The following PPFIA1 variants were observed in gnomAD, a reference collection of about 807,000 sequenced individuals.
PPFIA1 encodes PPFI scaffold protein A1, also known as liprin-alpha-1.
A neutral mutation model predicts 149.9 loss-of-function variants in PPFIA1; 25 were observed. The observed-to-expected ratio is 0.17, with a 90% CI of 0.12 to 0.23. The LOEUF (loss-of-function observed/expected upper bound fraction) is 0.23, where lower values mean the gene tolerates loss of function less well. PPFIA1 is among the 10% of genes least tolerant of loss of function. The probability of loss-of-function intolerance (pLI) is 1.00; values close to 1 mark genes in which losing one functional copy is unlikely to be tolerated. For synonymous variants in PPFIA1, 549 were observed against 552.8 expected (o/e 0.99, Z 0.10); for missense variants, 1,362 against 1,506.5 (o/e 0.90, Z 1.59).
At chr11:70,277,050 A>ATT (rs1328842843) in intron 2 of PPFIA1, among the ~76,000 whole-genome samples, 1 of 27,624 alleles carries the variant, frequency 3.6e-5, no homozygotes, top group African/African-American at 1.5e-4. Context: ...ATATATATAT[A>ATT]TATATATATA....
intron 16 of PPFIA1, 69 bp from the exon 17 acceptor site, chr11:70,354,232 G>A: frequency 6.8e-7 from 1 of 1,463,680 alleles, no homozygotes; most frequent in Admixed American, 2.0e-5. Flanking sequence ...GAAGTTTATG[G>A]CTATAATTTA....
intron 2 of PPFIA1, among the ~76,000 whole-genome samples, chr11:70,286,942 A>G (rs997225056): frequency 8.2e-6 from 1 of 121,836 alleles, no homozygotes; most frequent in Non-Finnish European, 1.6e-5. Context: ...ACACATATAT[A>G]TACACATATA....
intron 16 of PPFIA1, chr11:70,350,947 A>C (rs1240226737): frequency 2.6e-6 from 3 of 1,157,838 alleles, no homozygotes; most frequent in Admixed American, 2.9e-5. Context: ...TTCAAAGTGT[A>C]TATAGTAAAT....
chr11:70,278,921 C>G, intron 2 of PPFIA1: 1 of 603,482 alleles, frequency 1.7e-6, no homozygotes, highest in South Asian at 1.5e-5. Flanking sequence ...TTTAGACAGT[C>G]TGCTGTTGTC....
intron 2 of PPFIA1, among the ~76,000 whole-genome samples, chr11:70,305,671 C>T (rs1014653371): frequency 1.4e-4 from 22 of 152,134 alleles, no homozygotes; most frequent in Non-Finnish European, 2.2e-4. Context: ...AGGCTGGCCC[C>T]ATTTGTTTGT....
chr11:70,348,414 G>C lies in PPFIA1; in HGVS notation c.2157G>C (p.Met719Ile), dbSNP rs756912702. Residue 719 changes from methionine to isoleucine, a missense_variant, in exon 16 of 28, where the codon ATG becomes ATC. Coordinates refer to ENST00000253925, the MANE Select transcript of PPFIA1 (RefSeq NM_003626.5). ...PAREVDRLGV[M>I]TLLPPSREEV... Reference sequence around the variant, plus strand: ...GGGAAGTGGACAGACTGGGCGTCATGACCCTTGTACGTATCCGCCCTTTCC... The same window carrying C: ...GGGAAGTGGACAGACTGGGCGTCATCACCCTTGTACGTATCCGCCCTTTCC... 3.7e-6 allele frequency: 6 copies of C among 1,605,832 alleles called. No individual in the cohort carries two copies. The highest frequency in any genetic ancestry group is 5.1e-6 in the Non-Finnish European group (6 of 1,172,500).
intron 2 of PPFIA1, among the ~76,000 whole-genome samples, chr11:70,277,750 A>G (rs1013068520): frequency 5.3e-5 from 8 of 152,070 alleles, no homozygotes; most frequent in African/African-American, 1.9e-4. Flanking sequence ...TTCAGCCTCC[A>G]AAGTGCTGGG....
rs116606535 is a variant in PPFIA1 at position 70,316,757 on chromosome 11, C to T, written c.265-7645C>T. Among the ~76,000 whole-genome samples the T allele has an allele frequency of 3.6e-3, 555 of 152,282 alleles. 3 individuals are homozygous for T. Among genetic ancestry groups the T allele is most frequent in the African/African-American group, 0.013 (534 of 41,554 alleles). ...GGGCTACTTCAAGCCATCGGAATGA[C>T]GGGAAAAGATGGATCACTTTTGGCA... On this transcript the variant is annotated intron_variant, in intron 2 of 27. Transcript: ENST00000253925.
At chr11:70,321,513 T>C (rs2136715849) in intron 2 of PPFIA1, 1 of 152,248 alleles carries the variant, frequency 6.6e-6, no homozygotes, top group South Asian at 2.1e-4. Context: ...TGGCAAAAAC[T>C]GTCAAAATAA....
chr11:70,318,395 C>T (rs772110316), intron 2 of PPFIA1, among the ~76,000 whole-genome samples: 6 of 152,172 alleles, frequency 3.9e-5, no homozygotes, highest in Non-Finnish European at 7.3e-5. Context: ...CCCTTTACTG[C>T]GGGTGATCTG....
intron 26 of PPFIA1, among the ~76,000 whole-genome samples, chr11:70,379,661 A>G (rs1565472114): frequency 6.6e-6 from 1 of 151,444 alleles, no homozygotes; most frequent in African/African-American, 2.4e-5. Flanking sequence ...GTTTTTGCCA[A>G]TTTTTTTTGT....
chr11:70,307,232 A>T (rs1360336406), intron 2 of PPFIA1, among the ~76,000 whole-genome samples: 1 of 152,226 alleles, frequency 6.6e-6, no homozygotes, highest in Non-Finnish European at 1.5e-5. Context: ...TTACTGGTAT[A>T]GATGCACAGG....
chr11:70,330,209 A>C lies in PPFIA1; in HGVS notation c.967A>C (p.Thr323Pro). 1 of 1,602,918 alleles carries C rather than the reference A, an allele frequency of 6.2e-7. No homozygotes were observed. The highest frequency in any genetic ancestry group is 8.5e-7 in the Non-Finnish European group (1 of 1,175,774). ...AQKEDMEERI[T>P]TLEKRYLAAQ... Reference sequence around the variant, plus strand: ...AAAGGAAGATATGGAAGAGAGAATCACTACTCTTGAAAAACGCTACCTCGC... The same window carrying C: ...AAAGGAAGATATGGAAGAGAGAATCCCTACTCTTGAAAAACGCTACCTCGC... The change falls in exon 8 of 28, where the codon ACT (threonine) becomes CCT (proline). Residue 323 changes from threonine (T) to proline (P), a missense_variant. Around this residue, in one of 7 missense-constraint regions of PPFIA1, gnomAD observed 733 missense variants for 744.1 expected, o/e 0.99. Coordinates refer to ENST00000253925, the MANE Select transcript of PPFIA1 (RefSeq NM_003626.5).
At chr11:70,320,505 C>T (rs1244579802) in intron 2 of PPFIA1, among the ~76,000 whole-genome samples, 1 of 149,138 alleles carries the variant, frequency 6.7e-6, no homozygotes, top group Non-Finnish European at 1.5e-5. Context: ...GATCACGGCT[C>T]AACCTGCTGG....
intron 2 of PPFIA1, among the ~76,000 whole-genome samples, chr11:70,309,882 G>A (rs2053144198): frequency 6.6e-6 from 1 of 152,122 alleles, no homozygotes. Flanking sequence ...TGATAGGTAT[G>A]GGGTTTTTTT....
chr11:70,378,019 T>G lies in PPFIA1; in HGVS notation c.3385-11T>G, dbSNP rs1591397985. On this transcript the variant is annotated splice_polypyrimidine_tract_variant and intron_variant, in intron 25 of 27. Transcript: ENST00000253925. The stretch of plus-strand genomic sequence containing the variant: ...TAAATGAATCTTGTTTTTTGTTCCT[T>G]AATTTACCAGGATGATGATAAAAGC... The G allele has an allele frequency of 2.5e-6, 4 of 1,583,010 alleles. No homozygotes were observed. Among genetic ancestry groups the G allele is most frequent in the South Asian group, 1.1e-5 (1 of 87,874 alleles).
At chr11:70,290,631 C>T (rs1283956475) in intron 2 of PPFIA1, among the ~76,000 whole-genome samples, 2 of 152,202 alleles carry the variant, frequency 1.3e-5, no homozygotes, top group African/African-American at 4.8e-5. Flanking sequence ...ATACTCTTTT[C>T]ACAGAGTCTC....
chr11:70,284,011 C>T (rs780251012), intron 2 of PPFIA1: 2 of 532,478 alleles, frequency 3.8e-6, no homozygotes, highest in Non-Finnish European at 7.7e-6. Context: ...TTTTGCTTTA[C>T]TTTTAATGGC....
At chr11:70,352,414 G>C (rs1415554948) in intron 16 of PPFIA1, among the ~76,000 whole-genome samples, 1 of 152,080 alleles carries the variant, frequency 6.6e-6, no homozygotes, top group African/African-American at 2.4e-5. Flanking sequence ...TTTATTTTTT[G>C]ATAGCAAGAT....
Sources: allele counts gnomAD v4.1 joint callset (sites outside exome capture counted in the v4.1 genomes callset), GRCh38; gene constraint gnomAD v4.1.1; regional missense constraint gnomAD v4.1.1; transcripts MANE v1.5; gene names NCBI Gene and HGNC (gene_info 2026-07-23, HGNC 2026-07-21).